TTN: variants seen among roughly 807,000 people sequenced by gnomAD.
TTN encodes connectin.
A neutral mutation model predicts 3,223.0 loss-of-function variants in TTN; 1,525 were observed. The observed-to-expected ratio is 0.47, with a 90% confidence interval of 0.45 to 0.49. The LOEUF (loss-of-function observed/expected upper bound fraction) is 0.49, where lower values mean the gene tolerates loss of function less well. Ranked by LOEUF, TTN falls within the 20% of genes least tolerant of loss-of-function variation. The pLI is 0.00. For synonymous variants in TTN, 14,094 were observed against 15,161.0 expected (o/e 0.93, Z 5.17); for missense variants, 40,786 against 43,424.0 (o/e 0.94, Z 5.40).
intron 106 of TTN, 128 bp from the exon 107 acceptor site, chr2:178,702,791 A>C (rs1394229898): frequency 4.2e-6 from 4 of 951,674 alleles, no homozygotes; most frequent in Non-Finnish European, 6.0e-6. Flanking sequence ...AAAGTTCAAA[A>C]ATCCAAAATG....
chr2:178,590,026 G>A lies in TTN; in HGVS notation c.61699C>T (p.Leu20567Phe). The change falls in exon 304 of 363, where the codon CTT (leucine) becomes TTT (phenylalanine). Residue 20567 changes from leucine to phenylalanine, a missense_variant. Coordinates refer to ENST00000589042, the MANE Select transcript of TTN (RefSeq NM_001267550.2). The stretch of plus-strand genomic sequence containing the variant: ...TTCTGGCAAGGCCCAGGTCTGTCAA[G>A]GACGTTAACGATGGCTGAACCTTGG... Reference protein sequence around the residue: ...HAQGSAIVNVLDRPGPCQNLK... With the variant: ...HAQGSAIVNVFDRPGPCQNLK... 6.2e-7 allele frequency: 1 copy of A among 1,613,164 alleles called. No homozygotes were observed. Among genetic ancestry groups the A allele is most frequent in the Non-Finnish European group, 8.5e-7 (1 of 1,179,460 alleles).
chr2:178,543,915 G>A lies in TTN; in HGVS notation c.96229C>T (p.Arg32077Trp), dbSNP rs751316145. ...ATTGTGTATTTTCCAGCATCGTACC[G>A]ATTAACTTTGTCCACTATTAGCAAT... ...YSLLIVDKVN[R>W]YDAGKYTIEA... The change falls in exon 346 of 363, where the codon CGG becomes TGG. Residue 32077 changes from arginine (R) to tryptophan (W), a missense_variant. Transcript: ENST00000589042. 9 of 1,613,454 alleles carry A rather than the reference G, an allele frequency of 5.6e-6. No homozygotes were observed. Among genetic ancestry groups the A allele is most frequent in the South Asian group, 3.3e-5 (3 of 91,062 alleles).
rs2080377213 is a variant in TTN, at chr2:178,730,976, C to G, written c.17689G>C (p.Val5897Leu). ...CTGCTCCTCCCAACATCATTTTGGA[C>G]CTCGAAAGTATATTCTCCACTATCT... ...KKDSGEYTFE[V>L]QNDVGRSSCK... Residue 5897 changes from valine (V) to leucine (L), a missense_variant, in exon 60 of 363, where the codon GTC becomes CTC. By Grantham distance (32) the Val-to-Leu change is conservative. Transcript: ENST00000589042. The G allele has an allele frequency of 6.2e-7, 1 of 1,612,358 alleles. No homozygotes were observed. Among genetic ancestry groups the G allele is most frequent in the South Asian group, 1.1e-5 (1 of 90,952 alleles).
intron 239 of TTN, 82 bp downstream of exon 239, chr2:178,630,159 A>G (rs1189784357): frequency 8.8e-6 from 14 of 1,581,962 alleles, no homozygotes; most frequent in Non-Finnish European, 1.2e-5. Context: ...CTAACTAATA[A>G]AATAGGTCCA....
rs370941860 is a variant in TTN, at chr2:178,800,434, C to T, written c.544G>A (p.Val182Ile). ...GTYSVNATNS[V>I]GRATSTAELL... ...TCAGCAGTCGAAGTAGCTCTTCCAA[C>T]GCTATTGGTGGCATTTACTGAATAG... The change falls in exon 4 of 363, where the codon GTT becomes ATT. Residue 182 changes from valine (V) to isoleucine (I), a missense_variant. Physicochemically the swap from Val to Ile is conservative, Grantham distance 29. Transcript: ENST00000589042. 17 of 1,614,032 alleles carry T rather than the reference C, an allele frequency of 1.1e-5. No individual in the cohort carries two copies. The highest frequency in any genetic ancestry group is 5.5e-5 in the South Asian group (5 of 91,084).
Position 178,552,451 on chromosome 2 carries a change from T to G in TTN, c.90449A>C (p.His30150Pro). The G allele has an allele frequency of 6.2e-7, 1 of 1,606,896 alleles. No individual in the cohort carries two copies. The highest frequency in any genetic ancestry group is 8.5e-7 in the Non-Finnish European group (1 of 1,174,376). ...QVTVRIGHNV[H>P]LELPYKGKPK... ...TTTTCCCTTATAAGGTAATTCAAGG[T>G]GCACATTGTGCCCAATTCTCACAGT... The change falls in exon 335 of 363, where the codon CAC becomes CCC. Residue 30150 changes from histidine to proline, a missense_variant. Transcript: ENST00000589042.
In TTN at chr2:178,706,871, C is replaced by G; in HGVS notation, c.29125G>C (p.Val9709Leu). ...CATGAAGTGCACTTACTTTCTACGA[C>G]TCTGATACTCTGAGGTTCTGACACA... ...FFVSEPQSIR[V>L]VEKTTATFIA... Residue 9709 changes from valine to leucine, a missense_variant, in exon 101 of 363, where the codon GTC becomes CTC. Coordinates refer to ENST00000589042, the MANE Select transcript of TTN (RefSeq NM_001267550.2). The G allele has an allele frequency of 6.2e-7, 1 of 1,612,000 alleles. No homozygotes were observed. The highest frequency in any genetic ancestry group is 2.2e-5 in the East Asian group (1 of 44,848).
At chr2:178,683,041 TGGCCA>T in intron 134 of TTN, 138 bp from the exon 135 acceptor site, 1 of 1,036,674 alleles carries the variant, frequency 9.6e-7, no homozygotes, top group Non-Finnish European at 1.4e-6. Context: ...TGTTCTTTTT[TGGCCA>T]GTCAAGGTAT....
rs759737599 is a variant in TTN at position 178,566,352 on chromosome 2, G to T, written c.79780C>A (p.Leu26594Ile). 8.1e-6 allele frequency: 13 copies of T among 1,613,518 alleles called. No homozygotes were observed. The Admixed American group carries it at 2.2e-4, about 27-fold the overall frequency. The part of the protein sequence containing the change: ...EDKLEAPELD[L>I]DSELRKGIVV... ...ATTCCTTTTCTTAATTCGGAGTCAA[G>T]GTCAAGTTCAGGTGCTTCAAGTTTA... is the stretch of plus-strand genomic sequence containing the variant. Residue 26594 changes from leucine to isoleucine, a missense_variant, in exon 326 of 363, where the codon CTT becomes ATT. By Grantham distance (5) the Leu-to-Ile change is conservative. Coordinates refer to ENST00000589042, the MANE Select transcript of TTN (RefSeq NM_001267550.2).
Position 178,701,535 on chromosome 2 carries a change from T to C in TTN, c.30591A>G (p.Pro10197=). 1 of 1,613,052 alleles carries C rather than the reference T, an allele frequency of 6.2e-7. No individual in the cohort carries two copies. The highest frequency in any genetic ancestry group is 8.5e-7 in the Non-Finnish European group (1 of 1,179,470). The part of the protein sequence containing the change: ...PIPTMPIRAV[P]PEEIPPVVAP... The stretch of plus-strand genomic sequence containing the variant: ...TGAGGTTCTGGGTCTTACCTTCTGG[T>C]GGCACTGCTCTGATAGGCATGGTTG... The change falls in exon 110 of 363, where the codon CCA becomes CCG. Residue 10197 remains proline, a synonymous_variant. Coordinates refer to ENST00000589042, the MANE Select transcript of TTN (RefSeq NM_001267550.2).
At chr2:178,528,094 C>T in intron 361 of TTN, 180 bp downstream of exon 361, 1 of 692,404 alleles carries the variant, frequency 1.4e-6, no homozygotes. Flanking sequence ...GTAATCTATC[C>T]AAGTTTCTGT....
At chr2:178,624,209 T>A (rs968768807) in intron 242 of TTN, among the ~76,000 whole-genome samples, 2 of 152,014 alleles carry the variant, frequency 1.3e-5, no homozygotes, top group African/African-American at 4.8e-5. Flanking sequence ...GCACATCTAC[T>A]CACTACTCAG....
At chr2:178,746,469 C>G in intron 47 of TTN, 1 of 1,612,456 alleles carries the variant, frequency 6.2e-7, no homozygotes, top group South Asian at 1.1e-5. Context: ...ACTTCCAGGA[C>G]AATTTCTTGA....
At chr2:178,549,545 C>A (rs1421849166) in intron 338 of TTN, 25 bp downstream of exon 338, 5 of 1,603,226 alleles carry the variant, frequency 3.1e-6, no homozygotes, top group Non-Finnish European at 4.3e-6. Context: ...TGACATAGTA[C>A]CGCTTAGTAA....
Position 178,564,401 on chromosome 2 carries a change from C to G in TTN, c.81731G>C (p.Arg27244Thr). The change falls in exon 326 of 363, where the codon AGA (arginine) becomes ACA (threonine). Residue 27244 changes from arginine to threonine, a missense_variant. By Grantham distance (71) the Arg-to-Thr change is moderately conservative. Coordinates refer to ENST00000589042, the MANE Select transcript of TTN (RefSeq NM_001267550.2). Reference protein sequence around the residue: ...GLVEDQRYEFRVIARNAAGNF... With the variant: ...GLVEDQRYEFTVIARNAAGNF... ...TCCAGCTGCATTTCTTGCAATTACT[C>G]TAAATTCATATCTTTGGTCTTCTAC... 1 of 1,613,508 alleles carries G rather than the reference C, an allele frequency of 6.2e-7. No homozygotes were observed. Among genetic ancestry groups the G allele is most frequent in the Non-Finnish European group, 8.5e-7 (1 of 1,179,712 alleles).
intron 47 of TTN, chr2:178,751,553 G>T: frequency 6.2e-7 from 1 of 1,613,162 alleles, no homozygotes; most frequent in Non-Finnish European, 8.5e-7. Flanking sequence ...ATTTTCATGT[G>T]TCCGTTCTGC....
At chr2:178,759,238 A>C in intron 43 of TTN, 66 bp from the exon 44 acceptor site, 2 of 1,524,060 alleles carry the variant, frequency 1.3e-6, no homozygotes, top group Non-Finnish European at 1.8e-6. Flanking sequence ...ATTTACCTGC[A>C]AACACAATGT....
At chr2:178,668,711 G>A (rs1317568203) in intron 159 of TTN, among the ~76,000 whole-genome samples, 1 of 149,116 alleles carries the variant, frequency 6.7e-6, no homozygotes, top group Non-Finnish European at 1.5e-5. Flanking sequence ...CAGCCTGGGT[G>A]CAGCAGAGTG....
intron 47 of TTN, chr2:178,749,390 A>G (rs2084699451): frequency 6.2e-7 from 1 of 1,613,040 alleles, no homozygotes; most frequent in Admixed American, 1.7e-5. Context: ...AGCACCATGC[A>G]CAAATCTGGG....
Sources: gnomAD v4.1 joint callset for allele counts (sites outside exome capture counted in the v4.1 genomes callset) on GRCh38, gnomAD v4.1.1 for gene constraint, MANE v1.5 for transcripts, NCBI Gene and HGNC (gene_info 2026-07-23, HGNC 2026-07-21) for gene names.